The following SHISA6 variants were observed in gnomAD, a reference collection of about 807,000 sequenced individuals.
SHISA6 encodes shisa family member 6, also known as protein shisa-6.
In SHISA6, 22 loss-of-function variants were observed where a neutral mutation model predicts 47.9. That is an observed-to-expected ratio of 0.46 (90% CI 0.33 to 0.66). The LOEUF is 0.66. SHISA6 is among the 30% of genes least tolerant of loss of function. SHISA6 has a pLI of 0.02. For missense variants in SHISA6, 680 were observed against 764.6 expected (o/e 0.89, Z 1.30); for synonymous variants, 388 against 337.8 (o/e 1.15, Z -1.63).
intron 2 of SHISA6, among the ~76,000 whole-genome samples, chr17:11,341,328 C>CTTTTTT (rs71367322): frequency 3.5e-4 from 31 of 88,818 alleles, no homozygotes; most frequent in African/African-American, 4.0e-4. Flanking sequence ...CTCTCTCTCT[C>CTTTTTT]TTTTTTTTTT....
rs1307425687 is a variant in SHISA6, at chr17:11,261,240, G to A, written c.639-2126G>A. ...AGGGTACTGGGAAAGGAAGGATCCT[G>A]GAGAATGGTCACACATGGGTGTGGG... On this transcript the variant is annotated intron_variant, in intron 1 of 5. Coordinates refer to ENST00000441885, the MANE Select transcript of SHISA6 (RefSeq NM_207386.4). Among the ~76,000 whole-genome samples the A allele has an allele frequency of 2.6e-5, 4 of 152,326 alleles. No homozygotes were observed. In the East Asian group the frequency reaches 7.7e-4, roughly 29 times the overall value.
intron 3 of SHISA6, among the ~76,000 whole-genome samples, chr17:11,399,303 TG>T (rs763321076): frequency 6.6e-6 from 1 of 152,168 alleles, no homozygotes; most frequent in Non-Finnish European, 1.5e-5. Flanking sequence ...CCACCAAGTG[TG>T]AGAAACCCTA....
intron 2 of SHISA6, among the ~76,000 whole-genome samples, chr17:11,346,787 CAAT>C (rs1911713558): frequency 1.3e-5 from 2 of 152,236 alleles, no homozygotes; most frequent in South Asian, 2.1e-4. Flanking sequence ...ATCTGAGACT[CAAT>C]GATATACTCA....
intron 3 of SHISA6, among the ~76,000 whole-genome samples, chr17:11,398,603 G>GT (rs371339551): frequency 1.8e-3 from 244 of 134,778 alleles, no homozygotes; most frequent in African/African-American, 5.9e-3. Context: ...TTTTTTTGTT[G>GT]TTTTTTTTTT....
chr17:11,384,382 T>C (rs534257165), intron 3 of SHISA6, among the ~76,000 whole-genome samples: 105 of 152,346 alleles, frequency 6.9e-4, no homozygotes, highest in African/African-American at 2.4e-3. Flanking sequence ...AGTTACAGCA[T>C]GAACACTAGA....
chr17:11,473,813 C>T (rs1007948062), intron 3 of SHISA6, among the ~76,000 whole-genome samples: 17 of 151,982 alleles, frequency 1.1e-4, no homozygotes, highest in Non-Finnish European at 2.4e-4. Context: ...CATAGGTATA[C>T]AGGTGCCATG....
At chr17:11,548,929 T>C (rs1487528241) in intron 3 of SHISA6, among the ~76,000 whole-genome samples, 1 of 152,206 alleles carries the variant, frequency 6.6e-6, no homozygotes, top group Non-Finnish European at 1.5e-5. Context: ...ATATGCAGCA[T>C]GATTACTTAT....
At chr17:11,531,393 G>A (rs997107024) in intron 3 of SHISA6, among the ~76,000 whole-genome samples, 1 of 151,698 alleles carries the variant, frequency 6.6e-6, no homozygotes, top group Non-Finnish European at 1.5e-5. Context: ...TACAGATGGG[G>A]GTTTTCCACA....
chr17:11,378,463 T>C (rs1342965802), intron 2 of SHISA6, among the ~76,000 whole-genome samples: 2 of 152,162 alleles, frequency 1.3e-5, no homozygotes, highest in Non-Finnish European at 2.9e-5. Flanking sequence ...TGCATTGTTA[T>C]AGTTATACAT....
rs1405893691 is a variant in SHISA6 at position 11,558,071 on chromosome 17, A to G, written c.1423A>G (p.Ile475Val). The change falls in exon 6 of 6, where the codon ATC becomes GTC. Residue 475 changes from isoleucine (I) to valine (V), a missense_variant. Physicochemically the swap from Ile to Val is conservative, Grantham distance 29. Around this residue, in one of 2 missense-constraint regions of SHISA6, gnomAD observed 559 missense variants for 674.1 expected, o/e 0.83. Transcript: ENST00000441885. ...TCCCGAGCAGTCGCTGTCCAGGGCC[A>G]TCTCGCACACGGACGTCTTTGTGTC... ...AFPEQSLSRA[I>V]SHTDVFVSTP... 35 of 1,551,520 alleles carry G rather than the reference A, an allele frequency of 2.3e-5. No individual in the cohort carries two copies. The highest frequency in any genetic ancestry group is 2.9e-5 in the Non-Finnish European group (33 of 1,146,994).
chr17:11,508,488 A>T lies in SHISA6; in HGVS notation c.896-43408A>T. On this transcript the variant is annotated intron_variant, in intron 3 of 5. Transcript: ENST00000441885. Reference sequence around the variant, plus strand: ...ACCATCATATCCTGAGGACCTCTAAAGCTCAGGAACCAGTGGCCAAATCCT... The same window carrying T: ...ACCATCATATCCTGAGGACCTCTAATGCTCAGGAACCAGTGGCCAAATCCT... Among the ~76,000 whole-genome samples, 2 of 137,566 alleles carry T rather than the reference A, an allele frequency of 1.5e-5. 1 individual carries two copies. Among genetic ancestry groups the T allele is most frequent in the Non-Finnish European group, 3.2e-5 (2 of 63,204 alleles). 90.2% of individuals were successfully genotyped at this position (137,566 alleles called of 152,430 possible). A position where few individuals can be genotyped will look rare whatever the true frequency, so the allele number is the denominator to read the frequency against.
At chr17:11,461,396 CAAAAAAAAAAAA>C (rs778616587) in intron 3 of SHISA6, among the ~76,000 whole-genome samples, 4 of 76,644 alleles carry the variant, frequency 5.2e-5, no homozygotes, top group Admixed American at 2.7e-4. Flanking sequence ...GACTCCATCT[CAAAAAAAAAAAA>C]AAAAAAAAAA....
intron 2 of SHISA6, among the ~76,000 whole-genome samples, chr17:11,373,449 A>G (rs1912693048): frequency 6.6e-6 from 1 of 152,216 alleles, no homozygotes. Context: ...GCTACCCAGC[A>G]TAGGAAATGA....
intron 2 of SHISA6, among the ~76,000 whole-genome samples, chr17:11,285,393 T>C (rs1909260627): frequency 1.3e-5 from 2 of 152,128 alleles, no homozygotes; most frequent in African/African-American, 4.8e-5. Context: ...GGGGGACATA[T>C]CCCACCACCC....
chr17:11,243,082 A>G (rs1028062327), intron 1 of SHISA6, among the ~76,000 whole-genome samples: 1 of 151,782 alleles, frequency 6.6e-6, no homozygotes, highest in Admixed American at 6.6e-5. Context: ...TGGTGTGGGC[A>G]CTGCCCTAGT....
chr17:11,472,613 A>T (rs550123705), intron 3 of SHISA6, among the ~76,000 whole-genome samples: 1 of 152,334 alleles, frequency 6.6e-6, no homozygotes, highest in East Asian at 1.9e-4. Flanking sequence ...GGTAACTAAG[A>T]ATAAGGCTGC....
At chr17:11,333,715 A>C (rs1911216327) in intron 2 of SHISA6, among the ~76,000 whole-genome samples, 1 of 152,134 alleles carries the variant, frequency 6.6e-6, no homozygotes, top group South Asian at 2.1e-4. Flanking sequence ...GGGTTTCACC[A>C]TGTTGGCCAG....
At chr17:11,546,886 G>A (rs532626270) in intron 3 of SHISA6, among the ~76,000 whole-genome samples, 4 of 151,608 alleles carry the variant, frequency 2.6e-5, no homozygotes, top group South Asian at 4.2e-4. Flanking sequence ...GCGCCACGGC[G>A]CCACTGTACT....
intron 2 of SHISA6, among the ~76,000 whole-genome samples, chr17:11,297,076 C>T (rs930677912): frequency 1.3e-5 from 2 of 152,026 alleles, no homozygotes; most frequent in African/African-American, 4.8e-5. Context: ...GTGCTGATGA[C>T]ATTTTGGGAA....
Sources: gnomAD v4.1 joint callset for allele counts (sites outside exome capture counted in the v4.1 genomes callset) on GRCh38, gnomAD v4.1.1 for gene constraint, gnomAD v4.1.1 regional missense constraint, MANE v1.5 for transcripts, NCBI Gene and HGNC (gene_info 2026-07-23, HGNC 2026-07-21) for gene names.